The following C5AR2 variants were observed in gnomAD, a reference collection of about 807,000 sequenced individuals.
C5AR2 encodes the protein complement C5a receptor 2, also known as C5a anaphylatoxin chemotactic receptor 2.
For missense variants in C5AR2, 458 were observed against 467.5 expected (o/e 0.98, Z 0.19); for synonymous variants, 224 against 216.5 (o/e 1.03, Z -0.30).
At position 47,341,025 on chromosome 19, in the gene C5AR2, C is replaced by G; in HGVS notation, c.226C>G (p.Leu76Val). 1 of 1,608,264 alleles carries G rather than the reference C, an allele frequency of 6.2e-7. No individual in the cohort carries two copies. The highest frequency in any genetic ancestry group is 1.1e-5 in the South Asian group (1 of 91,076). The stretch of plus-strand genomic sequence containing the variant: ...GGTGGGTGCCACCTGGTTGCTCCAC[C>G]TGGCCGTGGCGGATTTGCTGTGCTG... The part of the protein sequence containing the change: ...RRVGATWLLH[L>V]AVADLLCCLS... Residue 76 changes from leucine (L) to valine (V), a missense_variant, in exon 2 of 2, where the codon CTG becomes GTG. By Grantham distance (32) the Leu-to-Val change is conservative. Transcript: ENST00000595464. The surrounding 1 kb of genome is among the most constrained non-coding windows in gnomAD (Gnocchi z 4.6).
rs1293744455 is a variant in C5AR2 at position 47,341,136 on chromosome 19, A to G, written c.337A>G (p.Ile113Val). Residue 113 changes from isoleucine to valine, a missense_variant, in exon 2 of 2, where the codon ATC (isoleucine) becomes GTC (valine). Physicochemically the swap from Ile to Val is conservative, Grantham distance 29. Transcript: ENST00000595464. This position sits in a 1 kb window ranked among gnomAD's most constrained non-coding sequence, Gnocchi z 4.6. The stretch of plus-strand genomic sequence containing the variant: ...AGTGGGCTGTCGGGCGCTGCCCTCC[A>G]TCATCCTGCTGACCATGTATGCCAG... ...GAVGCRALPS[I>V]ILLTMYASVL... 1 of 1,601,920 alleles carries G rather than the reference A, an allele frequency of 6.2e-7. No homozygotes were observed. The highest frequency in any genetic ancestry group is 8.5e-7 in the Non-Finnish European group (1 of 1,179,862).
chr19:47,339,242 G>A (rs561308006), intron 1 of C5AR2, among the ~76,000 whole-genome samples: 144 of 152,258 alleles, frequency 9.5e-4, no homozygotes, highest in African/African-American at 3.3e-3. Flanking sequence ...AATAAATGAT[G>A]ATGTCCTTGC....
chr19:47,332,761 T>C (rs988682239), intron 1 of C5AR2, among the ~76,000 whole-genome samples: 4 of 151,316 alleles, frequency 2.6e-5, no homozygotes, highest in African/African-American at 7.3e-5. Flanking sequence ...TCCATGTTGG[T>C]CAGGCTGGTC....
At chr19:47,333,085 A>C (rs1599737344) in intron 1 of C5AR2, among the ~76,000 whole-genome samples, 1 of 151,438 alleles carries the variant, frequency 6.6e-6, no homozygotes, top group African/African-American at 2.4e-5. Context: ...GCTCACTGCA[A>C]CCTCCGCCTC....
chr19:47,333,617 T>G (rs1220754089), intron 1 of C5AR2, among the ~76,000 whole-genome samples: 1 of 147,666 alleles, frequency 6.8e-6, no homozygotes, highest in African/African-American at 2.5e-5. Flanking sequence ...GATGGAGTCT[T>G]GCTCAGGCTG....
rs1341808810 is a variant in C5AR2, at chr19:47,342,380, TA to T, written c.*568del. The T allele has an allele frequency of 8.8e-5, 13 of 147,586 alleles. No homozygotes were observed. Among genetic ancestry groups the T allele is most frequent in the Middle Eastern group, 7.9e-3 (2 of 254 alleles). The allele number at this position is 147,586 out of a possible 1,614,324, so 9.1% of individuals were successfully genotyped here. ...CAAAAAATAAATAAATAAAAGATTCTATTTATTTATTTATTTTTTTGAGATG... is the reference window on the plus strand; with the variant it reads ...CAAAAAATAAATAAATAAAAGATTCTTTTATTTATTTATTTTTTTGAGATG... On this transcript the variant is annotated 3_prime_UTR_variant, in exon 2 of 2. Transcript: ENST00000595464.
At position 47,341,262 on chromosome 19, in the gene C5AR2, T is replaced by G; in HGVS notation, c.463T>G (p.Cys155Gly). 1 of 1,604,296 alleles carries G rather than the reference T, an allele frequency of 6.2e-7. No homozygotes were observed. Among genetic ancestry groups the G allele is most frequent in the South Asian group, 1.1e-5 (1 of 91,066 alleles). Residue 155 changes from cysteine to glycine, a missense_variant, in exon 2 of 2, where the codon TGT (cysteine) becomes GGT (glycine). Cys to Gly is a radical substitution (Grantham distance 159). Coordinates refer to ENST00000595464, the MANE Select transcript of C5AR2 (RefSeq NM_001271749.2). This position sits in a 1 kb window ranked among gnomAD's most constrained non-coding sequence, Gnocchi z 4.6. ...GCGGGCGTGCGGGGTGCAGGTGGCC[T>G]GTGGGGCAGCCTGGACACTGGCCTT... ...VQRACGVQVA[C>G]GAAWTLALLL...
chr19:47,346,373 A>G lies in C5AR2; in HGVS notation c.*4560A>G, dbSNP rs1969119506. On this transcript the variant is annotated 3_prime_UTR_variant, in exon 2 of 2. Transcript: ENST00000595464. Reference sequence around the variant, plus strand: ...TCTACATGTAATTAAAAATAGGTATAGGCTATTTTTATACCTATATAAATA... The same window carrying G: ...TCTACATGTAATTAAAAATAGGTATGGGCTATTTTTATACCTATATAAATA... The G allele has an allele frequency of 6.6e-6, 1 of 152,128 alleles. No homozygotes were observed. The highest frequency in any genetic ancestry group is 6.6e-5 in the Admixed American group (1 of 15,258). 9.4% of individuals were successfully genotyped at this position (152,128 alleles called of 1,614,324 possible).
rs1435874385 is a variant in C5AR2, at chr19:47,346,225, A to G, written c.*4412A>G. On this transcript the variant is annotated 3_prime_UTR_variant, in exon 2 of 2. Coordinates refer to ENST00000595464, the MANE Select transcript of C5AR2 (RefSeq NM_001271749.2). Reference sequence around the variant, plus strand: ...TCTATGACACGCCTACCAGTGTGCCATGTCAGTTTGCCATTGCCATGGCAA... The same window carrying G: ...TCTATGACACGCCTACCAGTGTGCCGTGTCAGTTTGCCATTGCCATGGCAA... 1 of 152,112 alleles carries G rather than the reference A, an allele frequency of 6.6e-6. No homozygotes were observed. Among genetic ancestry groups the G allele is most frequent in the Non-Finnish European group, 1.5e-5 (1 of 68,032 alleles). 9.4% of individuals were successfully genotyped at this position (152,112 alleles called of 1,614,324 possible).
chr19:47,334,166 T>C (rs923555060), intron 1 of C5AR2, among the ~76,000 whole-genome samples: 2 of 152,046 alleles, frequency 1.3e-5, no homozygotes, highest in Non-Finnish European at 2.9e-5. Flanking sequence ...AGGATGATAA[T>C]ATTGACCTCA....
In C5AR2 at chr19:47,336,464, CCTTCCTTCCTTCCTTCCTTCCTTCCTTT is replaced by C. The variant is rs1291164142; in HGVS notation, c.-16+4119_-16+4146del. 3.1e-3 allele frequency among the ~76,000 whole-genome samples: 359 copies of C among 115,802 alleles called. 4 individuals are homozygous for C. The highest frequency in any genetic ancestry group is 0.011 in the African/African-American group (287 of 25,740). The allele number at this position is 115,802 out of a possible 152,430, so 76.0% of individuals were successfully genotyped here. ...TCCTTCCTTCCTTCCTTCCTTCCTTCCTTCCTTCCTTCCTTCCTTCCTTCCTTTCTTTCTTTCTTTCTTTCTTTTTCTT... is the reference window on the plus strand; with the variant it reads ...TCCTTCCTTCCTTCCTTCCTTCCTTCCTTTCTTTCTTTCTTTCTTTTTCTT... On this transcript the variant is annotated intron_variant, in intron 1 of 1. Transcript: ENST00000595464.
intron 1 of C5AR2, among the ~76,000 whole-genome samples, chr19:47,335,992 A>G (rs562686778): frequency 2.4e-4 from 37 of 151,738 alleles, no homozygotes; most frequent in African/African-American, 8.2e-4. Context: ...CTAAGGCAGG[A>G]ATATTATTAT....
In C5AR2 at chr19:47,341,814, G is replaced by A; in HGVS notation, c.*1G>A. On this transcript the variant is annotated 3_prime_UTR_variant, in exon 2 of 2. Coordinates refer to ENST00000595464, the MANE Select transcript of C5AR2 (RefSeq NM_001271749.2). The surrounding 1 kb of genome is among the most constrained non-coding windows in gnomAD (Gnocchi z 4.6). ...CCTGGTCTCGGAGATGGAGGTGTAG[G>A]CTGGAGAGACATTGTGGGTGTGTAT... is the stretch of plus-strand genomic sequence containing the variant. 1 of 1,612,726 alleles carries A rather than the reference G, an allele frequency of 6.2e-7. No homozygotes were observed. The highest frequency in any genetic ancestry group is 8.5e-7 in the Non-Finnish European group (1 of 1,179,358).
intron 1 of C5AR2, among the ~76,000 whole-genome samples, chr19:47,337,774 A>G (rs139726180): frequency 6.6e-6 from 1 of 152,214 alleles, no homozygotes; most frequent in Non-Finnish European, 1.5e-5. Flanking sequence ...GACAGTTATT[A>G]TAAGGTTTCA....
Position 47,340,928 on chromosome 19 carries a change from C to T in C5AR2, c.129C>T (p.Ala43=), listed in dbSNP as rs138613140. 965 of 1,612,452 alleles carry T rather than the reference C, an allele frequency of 6.0e-4. 4 individuals carry two copies. The African/African-American group carries it at 0.011, about 18-fold the overall frequency. The change falls in exon 2 of 2, where the codon GCC becomes GCT. Residue 43 remains alanine (A), a synonymous_variant. Coordinates refer to ENST00000595464, the MANE Select transcript of C5AR2 (RefSeq NM_001271749.2). ...GCGTGGCCCCGCTCCCACTGTATGC[C>T]GCCATCTTCCTGGTGGGGGTGCCGG... is the stretch of plus-strand genomic sequence containing the variant. The part of the protein sequence containing the change: ...PLRVAPLPLY[A]AIFLVGVPGN...
Position 47,341,069 on chromosome 19 carries a change from G to T in C5AR2, c.270G>T (p.Leu90=). ...TGTGCTGTTTGTCTCTGCCCATCCT[G>T]GCAGTGCCCATTGCCCGTGGAGGCC... ...DLLCCLSLPI[L]AVPIARGGHW... Residue 90 remains leucine (L), a synonymous_variant, in exon 2 of 2, where the codon CTG becomes CTT. Coordinates refer to ENST00000595464, the MANE Select transcript of C5AR2 (RefSeq NM_001271749.2). This position sits in a 1 kb window ranked among gnomAD's most constrained non-coding sequence, Gnocchi z 4.6. 1 of 1,605,960 alleles carries T rather than the reference G, an allele frequency of 6.2e-7. No individual in the cohort carries two copies. The highest frequency in any genetic ancestry group is 8.5e-7 in the Non-Finnish European group (1 of 1,179,928).
chr19:47,335,805 A>AAAAAAAAAT (rs1568667967), intron 1 of C5AR2, among the ~76,000 whole-genome samples: 2 of 132,222 alleles, frequency 1.5e-5, no homozygotes, highest in Non-Finnish European at 3.2e-5. Flanking sequence ...AAAAAAAAGA[A>AAAAAAAAAT]AGTTTTCGTT....
intron 1 of C5AR2, among the ~76,000 whole-genome samples, chr19:47,337,387 G>A (rs2059362298): frequency 6.6e-6 from 1 of 152,166 alleles, no homozygotes; most frequent in Non-Finnish European, 1.5e-5. Context: ...CTTAGGGCTG[G>A]GCGCGGTGGC....
chr19:47,340,327 A>G (rs1475899012), intron 1 of C5AR2, among the ~76,000 whole-genome samples: 1 of 147,680 alleles, frequency 6.8e-6, no homozygotes, highest in African/African-American at 2.5e-5. Flanking sequence ...TTCTAACAAC[A>G]CTAAGTTCTA....
Sources: gnomAD v4.1 joint callset for allele counts (sites outside exome capture counted in the v4.1 genomes callset) on GRCh38, gnomAD v4.1.1 for gene constraint, Gnocchi (gnomAD v3.1) non-coding constraint, MANE v1.5 for transcripts, NCBI Gene and HGNC (gene_info 2026-07-23, HGNC 2026-07-21) for gene names.